UTP4: variants seen among roughly 807,000 people sequenced by gnomAD.
UTP4 encodes the protein U3 small nucleolar RNA-associated protein 4 homolog.
Under a neutral mutation model 82.4 loss-of-function variants are expected in UTP4, and 45 were observed. The observed-to-expected ratio is 0.55, with a 90% confidence interval of 0.43 to 0.70. The LOEUF (loss-of-function observed/expected upper bound fraction) is 0.70, where lower values mean the gene tolerates loss of function less well. Ranked by LOEUF, UTP4 falls within the 30% of genes least tolerant of loss-of-function variation. UTP4 has a pLI of 0.00. For synonymous variants in UTP4, 348 were observed against 300.3 expected (o/e 1.16, Z -1.64); for missense variants, 819 against 858.3 (o/e 0.95, Z 0.57).
intron 4 of UTP4, chr16:69,139,598 T>A: frequency 6.0e-6 from 1 of 167,546 alleles, no homozygotes; most frequent in South Asian, 2.0e-4. Flanking sequence ...GAGATCCCAC[T>A]GCGGCACTCC....
At position 69,152,030 on chromosome 16, in the gene UTP4, A is replaced by G. The variant is rs566073495; in HGVS notation, c.1002+1126A>G. Reference sequence around the variant, plus strand: ...TAGATATAGATAGATAGATAGATAGATCAACAGCTCTATTGAGGCATACTT... The same window carrying G: ...TAGATATAGATAGATAGATAGATAGGTCAACAGCTCTATTGAGGCATACTT... On this transcript the variant is annotated intron_variant, in intron 8 of 16. Transcript: ENST00000314423. Among the ~76,000 whole-genome samples the G allele has an allele frequency of 2.0e-5, 3 of 150,956 alleles. No homozygotes were observed. In the South Asian group the frequency reaches 6.4e-4, roughly 32 times the overall value.
At chr16:69,166,894 A>C in intron 15 of UTP4, 181 bp from the exon 16 acceptor site, 2 of 595,844 alleles carry the variant, frequency 3.4e-6, no homozygotes, top group African/African-American at 1.9e-5. Flanking sequence ...TTTCCCCCCT[A>C]GTTTTTCTGA....
At chr16:69,158,686 TC>T (rs1963486632) in intron 12 of UTP4, among the ~76,000 whole-genome samples, 1 of 152,156 alleles carries the variant, frequency 6.6e-6, no homozygotes, top group East Asian at 1.9e-4. Context: ...TCATCTCACT[TC>T]CCCTTGTAGT....
Position 69,160,427 on chromosome 16 carries a change from G to A in UTP4, c.1516G>A (p.Ala506Thr). ...GNWLAASGTSAGVHVYNVKQL... is the reference protein window; with the variant it reads ...GNWLAASGTSTGVHVYNVKQL... ...TTGGCTAGCTGCATCAGGTACCAGT[G>A]CTGGAGTCCATGTCTACAACGTAAA... The change falls in exon 13 of 17, where the codon GCT becomes ACT. Residue 506 changes from alanine (A) to threonine (T), a missense_variant. By Grantham distance (58) the Ala-to-Thr change is moderately conservative. Transcript: ENST00000314423. 6.2e-7 allele frequency: 1 copy of A among 1,614,110 alleles called. No individual in the cohort carries two copies.
Position 69,168,864 on chromosome 16 carries a change from C to T in UTP4, c.1988C>T (p.Ala663Val). Residue 663 changes from alanine to valine, a missense_variant, in exon 17 of 17, where the codon GCA becomes GTA. By Grantham distance (64) the Ala-to-Val change is moderately conservative (BLOSUM62 0). Coordinates refer to ENST00000314423, the MANE Select transcript of UTP4 (RefSeq NM_032830.3). The stretch of plus-strand genomic sequence containing the variant: ...CTTTTGGATGAAAGAACACTCGTGG[C>T]AGTAGAACGGCCTCTGGATGACATC... ...MDLLDERTLV[A>V]VERPLDDIIA... 1 of 1,613,898 alleles carries T rather than the reference C, an allele frequency of 6.2e-7. No homozygotes were observed. Among genetic ancestry groups the T allele is most frequent in the South Asian group, 1.1e-5 (1 of 91,076 alleles).
At position 69,150,557 on chromosome 16, in the gene UTP4, G is replaced by A. The variant is rs1401109635; in HGVS notation, c.759G>A (p.Val253=). Residue 253 remains valine (V), a synonymous_variant, in exon 7 of 17, where the codon GTG becomes GTA. Coordinates refer to ENST00000314423, the MANE Select transcript of UTP4 (RefSeq NM_032830.3). ...AVADQEDSFV[V]GTAEGTVFHF... is the part of the protein sequence containing the mutation. ...CTCAGCAAGAAGACAGTTTCGTGGT[G>A]GGCACAGCCGAGGGAACAGTCTTCC... 1.9e-6 allele frequency: 3 copies of A among 1,614,078 alleles called. No homozygotes were observed. The highest frequency in any genetic ancestry group is 1.1e-5 in the South Asian group (1 of 91,094).
At chr16:69,132,906 G>C (rs1459017604) in intron 1 of UTP4, 4 of 207,992 alleles carry the variant, frequency 1.9e-5, no homozygotes, top group Non-Finnish European at 2.9e-5. Context: ...CGCTTGCTCT[G>C]TCTGCGGGTT....
At chr16:69,164,865 A>C (rs1038409626) in intron 14 of UTP4, among the ~76,000 whole-genome samples, 3 of 152,060 alleles carry the variant, frequency 2.0e-5, no homozygotes, top group Non-Finnish European at 4.4e-5. Context: ...AACAAAAGCA[A>C]GATACAGAAC....
chr16:69,153,109 T>C (rs547325973), intron 8 of UTP4, among the ~76,000 whole-genome samples: 1 of 152,290 alleles, frequency 6.6e-6, no homozygotes, highest in African/African-American at 2.4e-5. Flanking sequence ...AGGCTAGCCA[T>C]TCTCAAGGTC....
At chr16:69,144,800 T>C (rs1963062602) in intron 6 of UTP4, among the ~76,000 whole-genome samples, 1 of 152,178 alleles carries the variant, frequency 6.6e-6, no homozygotes, top group Admixed American at 6.5e-5. Context: ...TAAATTCCCC[T>C]TTAAAAATAG....
chr16:69,143,300 A>G lies in UTP4; in HGVS notation c.649A>G (p.Lys217Glu). 1 of 1,614,112 alleles carries G rather than the reference A, an allele frequency of 6.2e-7. No homozygotes were observed. The highest frequency in any genetic ancestry group is 8.5e-7 in the Non-Finnish European group (1 of 1,180,024). The change falls in exon 6 of 17, where the codon AAG (lysine) becomes GAG (glutamate). Residue 217 changes from lysine to glutamate, a missense_variant. Coordinates refer to ENST00000314423, the MANE Select transcript of UTP4 (RefSeq NM_032830.3). Reference protein sequence around the residue: ...GTIISVDSAGKVQFWDSATGT... With the variant: ...GTIISVDSAGEVQFWDSATGT... ...TATCATAAGTGTGGACTCTGCTGGG[A>G]AGGTGCAGTTCTGGGACTCAGCCAC...
chr16:69,140,034 T>A (rs1266804545), intron 5 of UTP4, 120 bp downstream of exon 5: 2 of 767,910 alleles, frequency 2.6e-6, no homozygotes, highest in Admixed American at 1.9e-5. Context: ...ATGTCATTAA[T>A]CTTCTGAGAT....
intron 4 of UTP4, 55 bp downstream of exon 4, chr16:69,137,940 T>C (rs1567600444): frequency 9.5e-7 from 1 of 1,053,804 alleles, no homozygotes; most frequent in Non-Finnish European, 1.5e-6. Flanking sequence ...ATTAAGTTTC[T>C]GTGCCACTGG....
At chr16:69,165,307 A>G in intron 14 of UTP4, 34 bp from the exon 15 acceptor site, 2 of 1,596,882 alleles carry the variant, frequency 1.3e-6, no homozygotes, top group South Asian at 1.1e-5. Flanking sequence ...TCTGAGTACC[A>G]GCCTGCATTT....
At chr16:69,144,021 C>T (rs1029124485) in intron 6 of UTP4, among the ~76,000 whole-genome samples, 2 of 151,040 alleles carry the variant, frequency 1.3e-5, no homozygotes, top group Admixed American at 1.3e-4. Flanking sequence ...CCCAGTAGCT[C>T]GGATTACAGG....
In UTP4 at chr16:69,158,635, G is replaced by A. The variant is rs145370593; in HGVS notation, c.1444+1395G>A. On this transcript the variant is annotated intron_variant, in intron 12 of 16. Transcript: ENST00000314423. ...TTATATCTAGCTCTCCTTGAGATTC[G>A]ACTCTACATTATGTATATGACTTTA... Among the ~76,000 whole-genome samples the A allele has an allele frequency of 2.0e-5, 3 of 152,044 alleles. No homozygotes were observed. In the East Asian group the frequency reaches 5.8e-4, roughly 29 times the overall value.
intron 6 of UTP4, among the ~76,000 whole-genome samples, chr16:69,144,846 A>C (rs1457689827): frequency 6.6e-6 from 1 of 152,200 alleles, no homozygotes; most frequent in Non-Finnish European, 1.5e-5. Flanking sequence ...TATTATACTT[A>C]AGAGTTAATT....
At chr16:69,144,842 A>C (rs1019915044) in intron 6 of UTP4, among the ~76,000 whole-genome samples, 1 of 152,186 alleles carries the variant, frequency 6.6e-6, no homozygotes, top group African/African-American at 2.4e-5. Context: ...TAATTATTAT[A>C]CTTAAGAGTT....
chr16:69,168,945 C>T lies in UTP4; in HGVS notation c.*8C>T. 1 of 1,520,388 alleles carries T rather than the reference C, an allele frequency of 6.6e-7. No homozygotes were observed. Among genetic ancestry groups the T allele is most frequent in the South Asian group, 1.1e-5 (1 of 89,146 alleles). 94.2% of individuals were successfully genotyped at this position (1,520,388 alleles called of 1,614,324 possible). A position where few individuals can be genotyped will look rare whatever the true frequency, so the allele number is the denominator to read the frequency against. On this transcript the variant is annotated 3_prime_UTR_variant, in exon 17 of 17. Transcript: ENST00000314423. Reference sequence around the variant, plus strand: ...AAGAAATTTGGAACCTAAAACAGGGCACTGTCTGTGTCCTTCCTTGAACTG... The same window carrying T: ...AAGAAATTTGGAACCTAAAACAGGGTACTGTCTGTGTCCTTCCTTGAACTG...
Sources: gnomAD v4.1 joint callset for allele counts (sites outside exome capture counted in the v4.1 genomes callset) on GRCh38, gnomAD v4.1.1 for gene constraint, MANE v1.5 for transcripts, NCBI Gene and HGNC (gene_info 2026-07-23, HGNC 2026-07-21) for gene names.